KLF7: variants seen among roughly 807,000 people sequenced by gnomAD.
KLF7 encodes Krueppel-like factor 7.
KLF7 carries 2 observed loss-of-function variants against 27.3 expected under a neutral mutation model. The ratio of observed to expected loss-of-function variants is 0.07; its 90% confidence interval spans 0.03 to 0.23. The LOEUF (loss-of-function observed/expected upper bound fraction) is 0.23. KLF7 is among the 10% of genes least tolerant of loss of function. KLF7 has a pLI of 1.00. For synonymous variants in KLF7, 165 were observed against 162.4 expected (o/e 1.02, Z -0.12); for missense variants, 221 against 394.1 (o/e 0.56, Z 3.72).
Position 207,077,661 on chromosome 2 carries a change from G to A in KLF7, c.*3552C>T, listed in dbSNP as rs974099901. ...CTGGACATAATACTCATTACCACCA[G>A]GCATTGAGCTGAGCCATTAACCATG... On this transcript the variant is annotated 3_prime_UTR_variant, in exon 4 of 4. Coordinates refer to ENST00000309446, the MANE Select transcript of KLF7 (RefSeq NM_003709.4). The A allele has an allele frequency of 6.6e-6, 1 of 152,190 alleles. No homozygotes were observed. The highest frequency in any genetic ancestry group is 1.5e-5 in the Non-Finnish European group (1 of 68,044). The allele number at this position is 152,190 out of a possible 1,614,324, so 9.4% of individuals were successfully genotyped here.
chr2:207,168,469 A>C (rs1486038326), upstream of KLF7, among the ~76,000 whole-genome samples: 1 of 152,202 alleles, frequency 6.6e-6, no homozygotes, highest in Non-Finnish European at 1.5e-5. Context: ...GTGGTCAAGC[A>C]GGGGTTCAAA....
At chr2:207,134,847 T>C (rs7594919) in intron 1 of KLF7, among the ~76,000 whole-genome samples, 44,144 of 151,996 alleles carry the variant, frequency 0.29, 6,755 homozygotes, top group Middle Eastern at 0.38. Flanking sequence ...ACCTGTAAAA[T>C]GGGGTAATAG....
At chr2:207,152,882 C>T (rs1478517956) in intron 1 of KLF7, among the ~76,000 whole-genome samples, 2 of 151,984 alleles carry the variant, frequency 1.3e-5, no homozygotes, top group East Asian at 3.9e-4. Flanking sequence ...AGAAATTAAG[C>T]GAGGTGGAAA....
chr2:207,162,655 C>T (rs1379188369), intron 1 of KLF7, among the ~76,000 whole-genome samples: 1 of 152,236 alleles, frequency 6.6e-6, no homozygotes, highest in Admixed American at 6.5e-5. Context: ...GTGACTTTGT[C>T]ACAGGCTCAC....
At chr2:207,141,765 GA>G (rs1462065070) in intron 1 of KLF7, among the ~76,000 whole-genome samples, 2 of 152,122 alleles carry the variant, frequency 1.3e-5, no homozygotes. Flanking sequence ...AGAGGCAAAA[GA>G]AAAAAACAGA....
At chr2:207,140,195 T>A (rs1023507614) in intron 1 of KLF7, among the ~76,000 whole-genome samples, 2 of 152,204 alleles carry the variant, frequency 1.3e-5, no homozygotes, top group Non-Finnish European at 2.9e-5. Context: ...CCTGTTTTTT[T>A]AAGATTTGAA....
Position 207,112,840 on chromosome 2 carries a change from T to C in KLF7, c.733+10934A>G, listed in dbSNP as rs572700711. On this transcript the variant is annotated intron_variant, in intron 2 of 3. Transcript: ENST00000309446. ...GTTTTTTAAATCACAAAATTGATTT[T>C]AGATTTTGCATCACATTTGTTCATT... Among the ~76,000 whole-genome samples, 6 of 152,396 alleles carry C rather than the reference T, an allele frequency of 3.9e-5. No individual in the cohort carries two copies. In the South Asian group the frequency reaches 1.2e-3, roughly 32 times the overall value.
At chr2:207,113,605 GGT>G (rs1449982018) in intron 2 of KLF7, among the ~76,000 whole-genome samples, 24 of 119,176 alleles carry the variant, frequency 2.0e-4, no homozygotes, top group South Asian at 3.9e-4. Context: ...TGGAATGGGG[GGT>G]GGGGGGGGGG....
chr2:207,152,886 G>A lies in KLF7; in HGVS notation c.102+12581C>T, dbSNP rs556740332. 6.6e-5 allele frequency among the ~76,000 whole-genome samples: 10 copies of A among 152,268 alleles called. No homozygotes were observed. The South Asian group carries it at 2.1e-3, about 32-fold the overall frequency. ...GGCCAGAGATCAGAAATTAAGCGAG[G>A]TGGAAATAGTGGGGACAGGGTTAAT... On this transcript the variant is annotated intron_variant, in intron 1 of 3. Coordinates refer to ENST00000309446, the MANE Select transcript of KLF7 (RefSeq NM_003709.4).
chr2:207,082,397 G>A (rs2076292921), intron 3 of KLF7, among the ~76,000 whole-genome samples: 1 of 152,146 alleles, frequency 6.6e-6, no homozygotes, highest in South Asian at 2.1e-4. Flanking sequence ...GGGGTTCTGG[G>A]GGATAGAAAG....
chr2:207,114,724 T>C (rs547568839), intron 2 of KLF7, among the ~76,000 whole-genome samples: 3 of 152,300 alleles, frequency 2.0e-5, no homozygotes, highest in African/African-American at 7.2e-5. Context: ...TAGCAAGGTC[T>C]CCAGAGAAAG....
intron 1 of KLF7, among the ~76,000 whole-genome samples, chr2:207,148,751 T>C (rs2078164412): frequency 6.6e-6 from 1 of 152,204 alleles, no homozygotes; most frequent in African/African-American, 2.4e-5. Flanking sequence ...CTATACTTTC[T>C]ATGTCACCAC....
intron 3 of KLF7, among the ~76,000 whole-genome samples, chr2:207,081,741 G>A (rs770519720): frequency 2.6e-5 from 4 of 151,676 alleles, no homozygotes; most frequent in Non-Finnish European, 5.9e-5. Context: ...ATCAAAGGGT[G>A]GAACTTTGAA....
chr2:207,127,505 T>C (rs1482780774), intron 1 of KLF7, among the ~76,000 whole-genome samples: 5 of 152,180 alleles, frequency 3.3e-5, no homozygotes, highest in Admixed American at 2.0e-4. Context: ...GAACATTTAC[T>C]TCCAACATTG....
At chr2:207,134,138 G>A in intron 1 of KLF7, 1 of 1,493,776 alleles carries the variant, frequency 6.7e-7, no homozygotes, top group African/African-American at 1.5e-5. Context: ...TGCACAGGCT[G>A]ACTCGGGCTA....
chr2:207,145,105 C>T (rs1177471051), intron 1 of KLF7, among the ~76,000 whole-genome samples: 4 of 152,202 alleles, frequency 2.6e-5, no homozygotes, highest in African/African-American at 7.2e-5. Flanking sequence ...ATTGTAAAAA[C>T]GAATTGCCAC....
intron 1 of KLF7, among the ~76,000 whole-genome samples, chr2:207,125,595 G>A (rs2077457206): frequency 6.6e-6 from 1 of 152,116 alleles, no homozygotes; most frequent in African/African-American, 2.4e-5. Context: ...TATCTGTCAA[G>A]GATTTTATTT....
In KLF7 at chr2:207,141,319, C is replaced by T. The variant is rs145180826; in HGVS notation, c.103-16915G>A. Among the ~76,000 whole-genome samples the T allele has an allele frequency of 4.8e-3, 735 of 152,152 alleles. 2 individuals are homozygous for T. The highest frequency in any genetic ancestry group is 0.015 in the African/African-American group (627 of 41,542). ...CTAGACAAGGTCCCATGATACAAGACCACATACTTGTCCTTAGGGTGCTGC... is the reference window on the plus strand; with the variant it reads ...CTAGACAAGGTCCCATGATACAAGATCACATACTTGTCCTTAGGGTGCTGC... On this transcript the variant is annotated intron_variant, in intron 1 of 3. Coordinates refer to ENST00000309446, the MANE Select transcript of KLF7 (RefSeq NM_003709.4).
chr2:207,082,039 G>A (rs973997343), intron 3 of KLF7, among the ~76,000 whole-genome samples: 2 of 152,082 alleles, frequency 1.3e-5, no homozygotes, highest in African/African-American at 2.4e-5. Flanking sequence ...GGAAACTGAG[G>A]CTAAGGTGTT....
Sources: gnomAD v4.1 joint callset for allele counts (sites outside exome capture counted in the v4.1 genomes callset) on GRCh38, gnomAD v4.1.1 for gene constraint, MANE v1.5 for transcripts, NCBI Gene and HGNC (gene_info 2026-07-23, HGNC 2026-07-21) for gene names.